Variants in LINGO2 observed in about 807,000 individuals in gnomAD.
LINGO2 encodes leucine-rich repeat and immunoglobulin-like domain-containing nogo receptor-interacting protein 2.
In LINGO2, 14 loss-of-function variants were observed where a neutral mutation model predicts 30.6. The ratio of observed to expected loss-of-function variants is 0.46; its 90% confidence interval spans 0.30 to 0.72. The LOEUF is 0.72. LINGO2 is among the 30% of genes least tolerant of loss of function. The pLI is 0.07. For synonymous variants in LINGO2, 317 were observed against 288.5 expected, an observed-to-expected ratio of 1.10 and a Z score of -1.00; for missense variants, 729 against 751.7, an observed-to-expected ratio of 0.97 and a Z score of 0.35.
chr9:29,073,554 G>A, the LINGO2 span, among the ~76,000 whole-genome samples: 26 of 152,214 alleles, frequency 1.7e-4, no homozygotes, highest in African/African-American at 2.2e-4. Context: ...AAATTTAAGC[G>A]TCAACAAATG....
intron 4 of LINGO2, among the ~76,000 whole-genome samples, chr9:28,134,069 C>G (rs1323129037): frequency 6.6e-6 from 1 of 152,268 alleles, no homozygotes; most frequent in East Asian, 1.9e-4. Context: ...TCCCAATTCA[C>G]TAATTTCTAT....
chr9:28,756,516 G>C, the LINGO2 span, among the ~76,000 whole-genome samples: 1 of 151,842 alleles, frequency 6.6e-6, no homozygotes, highest in Non-Finnish European at 1.5e-5. Flanking sequence ...AATGTAAAAA[G>C]GACATGATAT....
At chr9:28,360,147 A>G (rs1032494672) in intron 3 of LINGO2, among the ~76,000 whole-genome samples, 3 of 152,222 alleles carry the variant, frequency 2.0e-5, no homozygotes, top group Admixed American at 6.5e-5. Flanking sequence ...GTAGCCATTA[A>G]TGTACCCATT....
intron 4 of LINGO2, among the ~76,000 whole-genome samples, chr9:28,151,936 G>A (rs750047766): frequency 1.8e-4 from 27 of 152,008 alleles, no homozygotes; most frequent in South Asian, 4.1e-4. Flanking sequence ...ATATAGAAAC[G>A]AAATGCAATT....
intron 4 of LINGO2, among the ~76,000 whole-genome samples, chr9:28,280,601 G>A (rs1198543850): frequency 1.3e-5 from 2 of 152,122 alleles, no homozygotes; most frequent in Admixed American, 6.6e-5. Context: ...CTTCCTCAGT[G>A]TAGAAGATTT....
intron 1 of LINGO2, among the ~76,000 whole-genome samples, chr9:28,482,940 T>C (rs1009950530): frequency 6.6e-6 from 1 of 152,044 alleles, no homozygotes; most frequent in African/African-American, 2.4e-5. Flanking sequence ...CATAGACACA[T>C]TTTAAGAAAG....
intron 1 of LINGO2, among the ~76,000 whole-genome samples, chr9:28,550,495 C>G (rs1156482875): frequency 1.3e-5 from 2 of 151,640 alleles, no homozygotes; most frequent in Non-Finnish European, 2.9e-5. Context: ...ACTTTTAATT[C>G]AATACACTTC....
At chr9:28,510,916 C>A (rs972907100) in intron 1 of LINGO2, among the ~76,000 whole-genome samples, 3 of 151,988 alleles carry the variant, frequency 2.0e-5, no homozygotes, top group African/African-American at 7.2e-5. Flanking sequence ...GTCTGATGTT[C>A]GAAGGCAGGA....
chr9:29,188,843 C>A, the LINGO2 span, among the ~76,000 whole-genome samples: 16 of 146,660 alleles, frequency 1.1e-4, no homozygotes, highest in South Asian at 6.6e-4. Context: ...ACCCCCCCGC[C>A]ACCTTCCTCC....
In LINGO2 at chr9:28,310,630, C is replaced by T. The variant is rs1270789209; in HGVS notation, c.-245-15264G>A. 7.9e-5 allele frequency among the ~76,000 whole-genome samples: 12 copies of T among 152,108 alleles called. No homozygotes were observed. In the South Asian group the frequency reaches 2.1e-3, roughly 26 times the overall value. On this transcript the variant is annotated intron_variant, in intron 3 of 5. Transcript: ENST00000379992. ...AGAAAACTTGTGAGGGTGATGGATACGTTCATTATTTTAACTGCAGTGATG... is the reference window on the plus strand; with the variant it reads ...AGAAAACTTGTGAGGGTGATGGATATGTTCATTATTTTAACTGCAGTGATG...
At chr9:27,960,448 C>A (rs544090351) in intron 5 of LINGO2, among the ~76,000 whole-genome samples, 1 of 152,266 alleles carries the variant, frequency 6.6e-6, no homozygotes, top group South Asian at 2.1e-4. Flanking sequence ...CCCTATCTTG[C>A]AGCTATAATT....
chr9:28,652,653 T>C (rs1292066272), intron 1 of LINGO2, among the ~76,000 whole-genome samples: 1 of 151,918 alleles, frequency 6.6e-6, no homozygotes, highest in Non-Finnish European at 1.5e-5. Context: ...CTGGTTGTTT[T>C]AGGCAGTGAG....
intron 4 of LINGO2, among the ~76,000 whole-genome samples, chr9:28,199,064 C>CTGTA (rs1306434590): frequency 2.0e-5 from 3 of 152,308 alleles, no homozygotes; most frequent in Non-Finnish European, 4.4e-5. Context: ...AAGTCACCAT[C>CTGTA]TGTAATACCA....
At chr9:27,943,895 CAGGGAGAAGGGGATCAGGG>C, downstream of LINGO2, 1 of 152,206 alleles carries the variant, frequency 6.6e-6, no homozygotes, top group East Asian at 1.9e-4. Context: ...GGATGTTCTC[CAGGGAGAAGGGGATCAGGG>C]AGGGAGAAGA....
chr9:28,277,614 GC>G (rs1453584378), intron 4 of LINGO2, among the ~76,000 whole-genome samples: 1 of 152,026 alleles, frequency 6.6e-6, no homozygotes, highest in Non-Finnish European at 1.5e-5. Flanking sequence ...GACCAGCCTG[GC>G]CAACATGGTG....
At chr9:28,433,276 A>G (rs1823756657) in intron 2 of LINGO2, among the ~76,000 whole-genome samples, 1 of 152,052 alleles carries the variant, frequency 6.6e-6, no homozygotes, top group East Asian at 1.9e-4. Context: ...CTACTCTCCC[A>G]GCTGTGACCC....
chr9:28,508,093 A>G (rs1587776876), intron 1 of LINGO2, among the ~76,000 whole-genome samples: 1 of 152,120 alleles, frequency 6.6e-6, no homozygotes, highest in African/African-American at 2.4e-5. Context: ...TGAAATTTAT[A>G]AAACTAAACT....
At chr9:29,177,041 T>A in the LINGO2 span, among the ~76,000 whole-genome samples, 1 of 152,198 alleles carries the variant, frequency 6.6e-6, no homozygotes, top group East Asian at 1.9e-4. Context: ...TTAATGAGCA[T>A]GACCACCACA....
intron 4 of LINGO2, among the ~76,000 whole-genome samples, chr9:28,053,639 T>C (rs909943650): frequency 6.6e-6 from 1 of 152,012 alleles, no homozygotes; most frequent in African/African-American, 2.4e-5. Context: ...TTAGCGCTGG[T>C]TGCAAATCAA....
Sources: gnomAD v4.1 joint callset for allele counts (sites outside exome capture counted in the v4.1 genomes callset) on GRCh38, gnomAD v4.1.1 for gene constraint, MANE v1.5 for transcripts, NCBI Gene and HGNC (gene_info 2026-07-23, HGNC 2026-07-21) for gene names.